Variants in PTPN3 observed in about 807,000 individuals in gnomAD.
PTPN3 encodes the protein tyrosine-protein phosphatase non-receptor type 3.
Under a neutral mutation model 132.7 loss-of-function variants are expected in PTPN3, and 96 were observed. The observed-to-expected ratio is 0.72, with a 90% CI of 0.61 to 0.86. The LOEUF (loss-of-function observed/expected upper bound fraction) is 0.86, where lower values mean the gene tolerates loss of function less well. PTPN3 is among the 40% of genes least tolerant of loss of function. The pLI, the probability that PTPN3 is intolerant of heterozygous loss-of-function variation, is 0.00. For missense variants in PTPN3, 1,125 were observed against 1,159.6 expected (o/e 0.97, Z 0.43); for synonymous variants, 398 against 429.0 (o/e 0.93, Z 0.89).
chr9:109,427,651 T>C (rs1345265003), intron 11 of PTPN3, among the ~76,000 whole-genome samples: 2 of 152,264 alleles, frequency 1.3e-5, no homozygotes, highest in African/African-American at 2.4e-5. Context: ...TGTTTTCATG[T>C]TAAATTGCCG....
upstream of PTPN3, among the ~76,000 whole-genome samples, chr9:109,500,970 A>G (rs375211135): frequency 1.3e-5 from 2 of 151,964 alleles, no homozygotes; most frequent in African/African-American, 4.8e-5. Flanking sequence ...AATAGATTGT[A>G]TAAACATGGT....
Position 109,454,529 on chromosome 9 carries a change from G to C in PTPN3, c.335C>G (p.Pro112Arg), listed in dbSNP as rs760355107. The change falls in exon 5 of 26, where the codon CCT becomes CGT. Residue 112 changes from proline to arginine, a missense_variant. By Grantham distance (103) the Pro-to-Arg change is moderately radical. Coordinates refer to ENST00000374541, the MANE Select transcript of PTPN3 (RefSeq NM_002829.4). ...TTCTTGCTGCAGTGTGTTGGGATCA[G>C]GTATAAAAAATCTTACTCGAAAATG... ...TLHFRVRFFI[P>R]DPNTLQQEQT... The C allele has an allele frequency of 6.2e-7, 1 of 1,613,388 alleles. No individual in the cohort carries two copies. Among genetic ancestry groups the C allele is most frequent in the Non-Finnish European group, 8.5e-7 (1 of 1,179,870 alleles).
the PTPN3 span, among the ~76,000 whole-genome samples, chr9:109,511,958 G>T: frequency 6.6e-6 from 1 of 152,160 alleles, no homozygotes; most frequent in African/African-American, 2.4e-5. Context: ...TAGACCTGAA[G>T]AAATATTTGT....
At chr9:109,465,314 C>A (rs753647355) in intron 1 of PTPN3, among the ~76,000 whole-genome samples, 2 of 152,116 alleles carry the variant, frequency 1.3e-5, no homozygotes, top group African/African-American at 2.4e-5. Context: ...CGGTGGTTCA[C>A]GCCTGTAATC....
chr9:109,478,598 T>G (rs1588492693), intron 1 of PTPN3, among the ~76,000 whole-genome samples: 1 of 152,208 alleles, frequency 6.6e-6, no homozygotes. Flanking sequence ...AGGAACGAGA[T>G]GACAGACAGG....
chr9:109,377,969 T>C lies in PTPN3; in HGVS notation c.*1587A>G, dbSNP rs1838714690. 6.6e-6 allele frequency: 1 copy of C among 152,198 alleles called. No homozygotes were observed. Among genetic ancestry groups the C allele is most frequent in the African/African-American group, 2.4e-5 (1 of 41,448 alleles). 9.4% of individuals were successfully genotyped at this position (152,198 alleles called of 1,614,324 possible). Reference sequence around the variant, plus strand: ...CTGTGTGACATCTCCCTCCCACCTCTGCCATTTAGCAGTAAAATATCCATG... The same window carrying C: ...CTGTGTGACATCTCCCTCCCACCTCCGCCATTTAGCAGTAAAATATCCATG... On this transcript the variant is annotated 3_prime_UTR_variant, in exon 26 of 26. Transcript: ENST00000374541.
intron 16 of PTPN3, 60 bp from the exon 17 acceptor site, chr9:109,408,437 CA>C: frequency 1.4e-6 from 2 of 1,380,594 alleles, no homozygotes; most frequent in Non-Finnish European, 2.0e-6. Flanking sequence ...AACAAACAAA[CA>C]AAAAAACGAG....
At chr9:109,469,165 C>A (rs185583538) in intron 1 of PTPN3, among the ~76,000 whole-genome samples, 2 of 152,286 alleles carry the variant, frequency 1.3e-5, no homozygotes, top group African/African-American at 2.4e-5. Flanking sequence ...TGCCCTGAAG[C>A]CTGAGACAAC....
rs1840020043 is a variant in PTPN3 at position 109,390,892 on chromosome 9, C to T, written c.2106+246G>A. ...CATGTGGACGATTGAATTAGAAACA[C>T]AGAACAAGTCTGGTCCCATCTTCTG... On this transcript the variant is annotated intron_variant, in intron 21 of 25. Transcript: ENST00000374541. Among the ~76,000 whole-genome samples, 5 of 152,180 alleles carry T rather than the reference C, an allele frequency of 3.3e-5. No individual in the cohort carries two copies. The South Asian group carries it at 1.0e-3, about 32-fold the overall frequency.
chr9:109,420,303 C>T (rs1476045433), intron 14 of PTPN3, 121 bp downstream of exon 14: 1 of 1,029,802 alleles, frequency 9.7e-7, no homozygotes, highest in Non-Finnish European at 1.4e-6. Flanking sequence ...CAGAAGGCAC[C>T]TGTGGGAGCT....
At position 109,383,450 on chromosome 9, in the gene PTPN3, G is replaced by A. The variant is rs573149773; in HGVS notation, c.2355C>T (p.Ser785=). ...GGGTGTTTGTGACCAGCATTTCTCGGGACACATAGGCGATGGTGCAGTCCT... is the reference window on the plus strand; with the variant it reads ...GGGTGTTTGTGACCAGCATTTCTCGAGACACATAGGCGATGGTGCAGTCCT... ...QSEDCTIAYV[S]REMLVTNTQT... The change falls in exon 23 of 26, where the codon TCC becomes TCT. Residue 785 remains serine, a synonymous_variant. Coordinates refer to ENST00000374541, the MANE Select transcript of PTPN3 (RefSeq NM_002829.4). The A allele has an allele frequency of 1.5e-5, 24 of 1,614,036 alleles. No individual in the cohort carries two copies. The South Asian group carries it at 2.2e-4, about 15-fold the overall frequency.
At chr9:109,419,279 G>A (rs1389306397) in intron 14 of PTPN3, among the ~76,000 whole-genome samples, 1 of 152,188 alleles carries the variant, frequency 6.6e-6, no homozygotes, top group African/African-American at 2.4e-5. Flanking sequence ...ACATACAAAT[G>A]GGAAGGAGAT....
At chr9:109,449,079 T>A (rs1845060346) in intron 5 of PTPN3, 1 of 1,365,106 alleles carries the variant, frequency 7.3e-7, no homozygotes, top group African/African-American at 1.5e-5. Context: ...TGGGGGCAAT[T>A]TTCTGCCAGC....
intron 10 of PTPN3, among the ~76,000 whole-genome samples, chr9:109,431,868 T>G (rs1414140278): frequency 6.6e-6 from 1 of 151,998 alleles, no homozygotes; most frequent in African/African-American, 2.4e-5. Context: ...TGTTTCCTCC[T>G]CCGTGAAACT....
At chr9:109,486,727 T>C (rs1847229805) in intron 1 of PTPN3, among the ~76,000 whole-genome samples, 1 of 152,172 alleles carries the variant, frequency 6.6e-6, no homozygotes, top group African/African-American at 2.4e-5. Context: ...CCCACACAAA[T>C]CTCACTGAGT....
chr9:109,498,250 T>C lies in PTPN3; in HGVS notation c.-49A>G, dbSNP rs1389340977. 1 of 146,222 alleles carries C rather than the reference T, an allele frequency of 6.8e-6. No individual in the cohort carries two copies. The highest frequency in any genetic ancestry group is 2.5e-5 in the African/African-American group (1 of 40,724). 9.1% of individuals were successfully genotyped at this position (146,222 alleles called of 1,614,324 possible). Reference sequence around the variant, plus strand: ...CATCCGGGGGCGCGGAGCGCCCAGGTAGGTCGCGCGTGCGGGCGGCGCGGA... The same window carrying C: ...CATCCGGGGGCGCGGAGCGCCCAGGCAGGTCGCGCGTGCGGGCGGCGCGGA... On this transcript the variant is annotated 5_prime_UTR_variant, in exon 1 of 26. Coordinates refer to ENST00000374541, the MANE Select transcript of PTPN3 (RefSeq NM_002829.4). The surrounding 1 kb of genome is among the most constrained non-coding windows in gnomAD (Gnocchi z 4.2).
At chr9:109,532,899 C>CT in the PTPN3 span, 2 of 1,042,776 alleles carry the variant, frequency 1.9e-6, no homozygotes, top group Non-Finnish European at 2.6e-6. Flanking sequence ...GGATCGGCTG[C>CT]TTTTGTCTCT....
chr9:109,467,802 G>C (rs546356110), intron 1 of PTPN3, among the ~76,000 whole-genome samples: 69 of 152,310 alleles, frequency 4.5e-4, no homozygotes, highest in African/African-American at 1.7e-3. Flanking sequence ...CAATGATGCT[G>C]TCCAGCACAG....
chr9:109,405,474 C>T (rs556920939), intron 18 of PTPN3, among the ~76,000 whole-genome samples: 8 of 152,186 alleles, frequency 5.3e-5, no homozygotes, highest in Non-Finnish European at 5.9e-5. Flanking sequence ...AGGAACTTGA[C>T]GTATTATTTT....
Sources: gnomAD v4.1 joint callset for allele counts (sites outside exome capture counted in the v4.1 genomes callset) on GRCh38, gnomAD v4.1.1 for gene constraint, Gnocchi (gnomAD v3.1) non-coding constraint, MANE v1.5 for transcripts, NCBI Gene and HGNC (gene_info 2026-07-23, HGNC 2026-07-21) for gene names.